Variants in PTBP2 observed in about 807,000 individuals in gnomAD.
PTBP2 encodes the protein polypyrimidine tract-binding protein 2.
Under a neutral mutation model 61.4 loss-of-function variants are expected in PTBP2, and 13 were observed. The ratio of observed to expected loss-of-function variants is 0.21; its 90% CI spans 0.14 to 0.34. PTBP2 has a LOEUF of 0.34. Ranked by LOEUF, PTBP2 falls within the 10% of genes least tolerant of loss-of-function variation. The pLI is 1.00. For missense variants in PTBP2, 405 were observed against 642.6 expected (o/e 0.63, Z 4.00); for synonymous variants, 215 against 218.5 (o/e 0.98, Z 0.14).
intron 11 of PTBP2, among the ~76,000 whole-genome samples, chr1:96,810,672 T>C (rs2101248159): frequency 6.6e-6 from 1 of 152,344 alleles, no homozygotes; most frequent in East Asian, 1.9e-4. Flanking sequence ...TAGACAGCTT[T>C]TTTTCTGACA....
chr1:96,723,264 A>G (rs1649885726), intron 1 of PTBP2, among the ~76,000 whole-genome samples: 1 of 152,226 alleles, frequency 6.6e-6, no homozygotes, highest in Non-Finnish European at 1.5e-5. Flanking sequence ...TTAAATTATT[A>G]ATCTCAGTAT....
At chr1:96,770,339 G>T (rs942232966) in intron 4 of PTBP2, among the ~76,000 whole-genome samples, 1 of 151,890 alleles carries the variant, frequency 6.6e-6, no homozygotes, top group Non-Finnish European at 1.5e-5. Context: ...TTTGTTCTTT[G>T]TCTCTATATA....
At chr1:96,743,044 C>T (rs562046915) in intron 2 of PTBP2, among the ~76,000 whole-genome samples, 14 of 152,030 alleles carry the variant, frequency 9.2e-5, no homozygotes, top group Middle Eastern at 3.4e-3. Flanking sequence ...CCCAGCACTT[C>T]GGGAGGCTGA....
intron 2 of PTBP2, among the ~76,000 whole-genome samples, chr1:96,729,007 T>A (rs970825203): frequency 1.1e-4 from 16 of 152,266 alleles, no homozygotes; most frequent in Admixed American, 5.9e-4. Context: ...ATTTAGTAGA[T>A]CTAATAGTTT....
intron 3 of PTBP2, among the ~76,000 whole-genome samples, chr1:96,755,624 T>C (rs921437157): frequency 5.3e-5 from 8 of 152,254 alleles, no homozygotes; most frequent in African/African-American, 1.9e-4. Context: ...TGGCATCATA[T>C]GCTTTTCCAT....
chr1:96,815,399 C>T (rs1035279925), downstream of PTBP2: 3 of 152,018 alleles, frequency 2.0e-5, no homozygotes, highest in African/African-American at 7.2e-5. Context: ...CTGCTTTTGC[C>T]TTGGGTGGGA....
chr1:96,745,389 C>T (rs1653616479), intron 2 of PTBP2, among the ~76,000 whole-genome samples: 1 of 152,100 alleles, frequency 6.6e-6, no homozygotes, highest in Non-Finnish European at 1.5e-5. Flanking sequence ...GTTTTGATCT[C>T]ATGACCTCGT....
At chr1:96,784,895 C>T (rs1183720176) in intron 7 of PTBP2, 164 bp from the exon 8 acceptor site, 3 of 546,196 alleles carry the variant, frequency 5.5e-6, no homozygotes. Context: ...GAAAGTAATA[C>T]ATGGACAGCT....
chr1:96,784,427 A>G (rs1223446413), intron 7 of PTBP2, among the ~76,000 whole-genome samples: 1 of 152,072 alleles, frequency 6.6e-6, no homozygotes, highest in Non-Finnish European at 1.5e-5. Context: ...TTAATCCTAG[A>G]CCTGGCACTC....
intron 3 of PTBP2, among the ~76,000 whole-genome samples, chr1:96,763,592 G>A (rs1298261304): frequency 7.3e-6 from 1 of 137,040 alleles, no homozygotes; most frequent in Non-Finnish European, 1.6e-5. Context: ...GGGAGACCGT[G>A]GGGAGAGGAG....
chr1:96,809,024 AAAT>A (rs1474569351), intron 11 of PTBP2, among the ~76,000 whole-genome samples: 7 of 152,198 alleles, frequency 4.6e-5, no homozygotes, highest in Admixed American at 1.3e-4. Flanking sequence ...GACAAAACTT[AAAT>A]ACCTTTATTA....
intron 5 of PTBP2, among the ~76,000 whole-genome samples, chr1:96,773,972 A>G (rs1453626979): frequency 6.6e-6 from 1 of 151,278 alleles, no homozygotes; most frequent in South Asian, 2.1e-4. Context: ...CAAAAAAAAA[A>G]AAAAAAAAGA....
intron 2 of PTBP2, among the ~76,000 whole-genome samples, chr1:96,729,984 C>T (rs1254328241): frequency 2.0e-5 from 3 of 152,152 alleles, no homozygotes; most frequent in Non-Finnish European, 4.4e-5. Context: ...CGCCCTGCCT[C>T]ACAAAGTGCT....
rs756674289 is a variant in PTBP2 at position 96,807,001 on chromosome 1, T to C, written c.1171+43T>C. 102 of 1,413,672 alleles carry C rather than the reference T, an allele frequency of 7.2e-5. No individual in the cohort carries two copies. The Middle Eastern group carries it at 1.3e-3, about 17-fold the overall frequency. The allele number at this position is 1,413,672 out of a possible 1,614,324, so 87.6% of individuals were successfully genotyped here. ...TTTATCTATACATCTTCACTTCTGC[T>C]TTCAAATGCATAATGTGAATGTGCG... On this transcript the variant is annotated intron_variant, in intron 11 of 13. Transcript: ENST00000674951.
intron 2 of PTBP2, among the ~76,000 whole-genome samples, chr1:96,749,903 A>G (rs1030863718): frequency 6.6e-6 from 1 of 152,166 alleles, no homozygotes; most frequent in Non-Finnish European, 1.5e-5. Flanking sequence ...TACCTAACTG[A>G]TAAGTGGAAG....
intron 7 of PTBP2, among the ~76,000 whole-genome samples, chr1:96,779,677 T>C (rs992918572): frequency 6.6e-6 from 1 of 152,104 alleles, no homozygotes; most frequent in Non-Finnish European, 1.5e-5. Flanking sequence ...ATTGTTTTAC[T>C]AAGTACTTAT....
At chr1:96,816,877 A>G (rs1441155727), downstream of PTBP2, 2 of 152,190 alleles carry the variant, frequency 1.3e-5, no homozygotes, top group Non-Finnish European at 2.9e-5. Flanking sequence ...AACTAATGCC[A>G]GTTCCCAGAC....
intron 7 of PTBP2, among the ~76,000 whole-genome samples, chr1:96,783,110 A>G (rs577568030): frequency 6.6e-5 from 10 of 152,020 alleles, no homozygotes; most frequent in South Asian, 4.1e-4. Flanking sequence ...TGCTACTGCT[A>G]TTTCTTGGGA....
intron 7 of PTBP2, among the ~76,000 whole-genome samples, chr1:96,780,029 C>G: frequency 6.6e-6 from 1 of 151,990 alleles, no homozygotes; most frequent in East Asian, 1.9e-4. Flanking sequence ...TCTACCATAT[C>G]TCTCCTCACT....
Sources: allele counts gnomAD v4.1 joint callset (sites outside exome capture counted in the v4.1 genomes callset), GRCh38; gene constraint gnomAD v4.1.1; transcripts MANE v1.5; gene names NCBI Gene and HGNC (gene_info 2026-07-23, HGNC 2026-07-21).